The following RELCH variants were observed in gnomAD, a reference collection of about 807,000 sequenced individuals.
RELCH encodes the protein RAB11-binding protein RELCH.
A neutral mutation model predicts 150.3 loss-of-function variants in RELCH; 41 were observed. That is an observed-to-expected ratio of 0.27 (90% CI 0.21 to 0.35). The LOEUF (loss-of-function observed/expected upper bound fraction) is 0.35, where lower values mean the gene tolerates loss of function less well. RELCH is among the 10% of genes least tolerant of loss of function. The pLI is 1.00. For missense variants in RELCH, 1,092 were observed against 1,467.8 expected (o/e 0.74, Z 4.18); for synonymous variants, 478 against 531.8 (o/e 0.90, Z 1.39).
intron 1 of RELCH, among the ~76,000 whole-genome samples, chr18:62,197,606 G>C (rs1599779259): frequency 6.6e-6 from 1 of 152,118 alleles, no homozygotes; most frequent in Admixed American, 6.5e-5. Context: ...TGAACAAGTT[G>C]ACTGTAAATT....
At chr18:62,209,166 G>A (rs1410835695) in intron 1 of RELCH, among the ~76,000 whole-genome samples, 1 of 152,184 alleles carries the variant, frequency 6.6e-6, no homozygotes, top group Non-Finnish European at 1.5e-5. Flanking sequence ...TCTGTGAGGA[G>A]CCATTTTTCT....
At chr18:62,195,276 CACTCTG>C (rs2038944603) in intron 1 of RELCH, among the ~76,000 whole-genome samples, 1 of 129,856 alleles carries the variant, frequency 7.7e-6, no homozygotes, top group African/African-American at 3.3e-5. Flanking sequence ...AATATACACA[CACTCTG>C]TGTGTGTGTG....
intron 18 of RELCH, 57 bp downstream of exon 18, chr18:62,264,909 T>A: frequency 1.5e-6 from 2 of 1,367,208 alleles, no homozygotes; most frequent in East Asian, 2.3e-5. Context: ...ATGTAATGTG[T>A]TAACACTGTA....
At position 62,274,039 on chromosome 18, in the gene RELCH, A is replaced by T; in HGVS notation, c.2820A>T (p.Leu940Phe). The stretch of plus-strand genomic sequence containing the variant: ...AAGATGTAATGACGCTGCTTTCATT[A>T]TCTCATGCTCCTCTTGATAGCCTGA... ...FLEDVMTLLS[L>F]SHAPLDSLKA... The change falls in exon 21 of 29, where the codon TTA becomes TTT. Residue 940 changes from leucine (L) to phenylalanine (F), a missense_variant. By Grantham distance (22) the Leu-to-Phe change is conservative. This residue lies in a region of RELCH where 707 missense variants were observed against 1,025.4 expected (regional missense o/e 0.69). Coordinates refer to ENST00000644646, the MANE Select transcript of RELCH (RefSeq NM_001346231.2). 1 of 1,613,268 alleles carries T rather than the reference A, an allele frequency of 6.2e-7. No individual in the cohort carries two copies. Among genetic ancestry groups the T allele is most frequent in the Non-Finnish European group, 8.5e-7 (1 of 1,179,458 alleles).
chr18:62,276,979 T>G (rs1005845236), intron 22 of RELCH, among the ~76,000 whole-genome samples: 6 of 152,106 alleles, frequency 3.9e-5, no homozygotes, highest in African/African-American at 1.4e-4. Flanking sequence ...AAGAAAAAAG[T>G]ATCTTTTTAA....
chr18:62,248,503 A>G (rs2042536226), intron 11 of RELCH, among the ~76,000 whole-genome samples: 1 of 152,152 alleles, frequency 6.6e-6, no homozygotes, highest in Non-Finnish European at 1.5e-5. Context: ...CAATATTTTC[A>G]TTCTTACTAT....
intron 1 of RELCH, among the ~76,000 whole-genome samples, chr18:62,197,546 C>G (rs978074334): frequency 1.3e-5 from 2 of 152,156 alleles, no homozygotes; most frequent in African/African-American, 4.8e-5. Context: ...AACTTCACAT[C>G]TACAGTATAC....
At position 62,279,776 on chromosome 18, in the gene RELCH, G is replaced by A; in HGVS notation, c.2970G>A (p.Leu990=). 1 of 1,534,094 alleles carries A rather than the reference G, an allele frequency of 6.5e-7. No individual in the cohort carries two copies. Among genetic ancestry groups the A allele is most frequent in the South Asian group, 1.2e-5 (1 of 84,026 alleles). ...VRCTAARMFE[L]LVKGVNETLV... ...TACCCCCTGTGCTGACCAATCAGCT[G>A]TTGGTGAAGGGGGTGAATGAAACTC... Residue 990 remains leucine (L), a splice_region_variant and synonymous_variant, in exon 23 of 29, where the codon CTG becomes CTA. Coordinates refer to ENST00000644646, the MANE Select transcript of RELCH (RefSeq NM_001346231.2).
At chr18:62,218,656 G>A (rs1599875946) in intron 2 of RELCH, among the ~76,000 whole-genome samples, 1 of 151,934 alleles carries the variant, frequency 6.6e-6, no homozygotes, top group Non-Finnish European at 1.5e-5. Context: ...TAACTATTTT[G>A]GTAAGATTAT....
intron 15 of RELCH, 79 bp from the exon 16 acceptor site, chr18:62,261,431 AG>A: frequency 5.3e-6 from 7 of 1,319,192 alleles, no homozygotes; most frequent in Non-Finnish European, 7.5e-6. Context: ...TGCCACAGTA[AG>A]GAAGAACATC....
At chr18:62,197,928 G>T (rs2039157329) in intron 1 of RELCH, among the ~76,000 whole-genome samples, 1 of 152,166 alleles carries the variant, frequency 6.6e-6, no homozygotes, top group Non-Finnish European at 1.5e-5. Context: ...AAGACCACTG[G>T]ACTTATACCA....
rs1459096129 is a variant in RELCH at position 62,187,570 on chromosome 18, C to T, written c.65C>T (p.Ser22Leu). ...GGGVNPFLSDSDEDDDEVAAT... is the reference protein window; with the variant it reads ...GGGVNPFLSDLDEDDDEVAAT... ...GGCGTGAATCCATTTCTCAGTGATT[C>T]GGATGAGGACGATGACGAGGTAGCT... is the stretch of plus-strand genomic sequence containing the variant. Residue 22 changes from serine (S) to leucine (L), a missense_variant, in exon 1 of 29, where the codon TCG becomes TTG. Transcript: ENST00000644646. The T allele has an allele frequency of 3.9e-6, 6 of 1,519,480 alleles. No individual in the cohort carries two copies. Among genetic ancestry groups the T allele is most frequent in the Middle Eastern group, 1.8e-4 (1 of 5,608 alleles). 94.1% of individuals were successfully genotyped at this position (1,519,480 alleles called of 1,614,324 possible). A position where few individuals can be genotyped will look rare whatever the true frequency, so the allele number is the denominator to read the frequency against.
intron 27 of RELCH, among the ~76,000 whole-genome samples, chr18:62,294,728 C>A (rs1362474835): frequency 2.0e-5 from 3 of 152,166 alleles, no homozygotes; most frequent in East Asian, 1.9e-4. Flanking sequence ...TCCTATACTT[C>A]TGAAATTTTT....
chr18:62,288,614 C>T (rs540069106), intron 26 of RELCH, among the ~76,000 whole-genome samples: 23 of 152,102 alleles, frequency 1.5e-4, no homozygotes, highest in Admixed American at 1.3e-4. Flanking sequence ...ATGGCCTAAT[C>T]GTGAGGAGGA....
chr18:62,208,384 A>T (rs1393589855), intron 1 of RELCH, among the ~76,000 whole-genome samples: 3 of 150,870 alleles, frequency 2.0e-5, no homozygotes, highest in South Asian at 2.1e-4. Flanking sequence ...TTTAATTCTG[A>T]TGAAATCTAG....
intron 8 of RELCH, among the ~76,000 whole-genome samples, chr18:62,230,243 G>A (rs545129256): frequency 2.2e-4 from 34 of 152,034 alleles, no homozygotes; most frequent in African/African-American, 5.3e-4. Context: ...TGGAAGGATC[G>A]CTTGAGCCCA....
At chr18:62,236,407 T>A (rs1029057164) in intron 10 of RELCH, among the ~76,000 whole-genome samples, 20 of 151,922 alleles carry the variant, frequency 1.3e-4, no homozygotes, top group Admixed American at 4.6e-4. Context: ...GGGATACTGT[T>A]CTGTGGTTTT....
intron 22 of RELCH, 110 bp from the exon 23 acceptor site, chr18:62,279,664 C>T: frequency 1.4e-6 from 1 of 702,628 alleles, no homozygotes; most frequent in Non-Finnish European, 2.3e-6. Flanking sequence ...TTTGGTTTTG[C>T]TTTTGTGTTT....
chr18:62,245,879 G>T (rs904760247), intron 11 of RELCH: 5 of 152,136 alleles, frequency 3.3e-5, no homozygotes, highest in African/African-American at 1.2e-4. Flanking sequence ...CTAGTGGAAG[G>T]GGGAGGGAGT....
Sources: allele counts gnomAD v4.1 joint callset (sites outside exome capture counted in the v4.1 genomes callset), GRCh38; gene constraint gnomAD v4.1.1; regional missense constraint gnomAD v4.1.1; transcripts MANE v1.5; gene names NCBI Gene and HGNC (gene_info 2026-07-23, HGNC 2026-07-21).